Variants in ACSL1 observed in about 807,000 individuals in gnomAD.
ACSL1 encodes acyl-CoA synthetase long chain family member 1, also known as long-chain-fatty-acid--CoA ligase 1.
A neutral mutation model predicts 98.4 loss-of-function variants in ACSL1; 41 were observed. The observed-to-expected ratio is 0.42, with a 90% CI of 0.32 to 0.54. The LOEUF is 0.54. Ranked by LOEUF, ACSL1 falls within the 20% of genes least tolerant of loss-of-function variation. ACSL1 has a pLI of 0.13. For synonymous variants in ACSL1, 316 were observed against 322.7 expected (o/e 0.98, Z 0.22); for missense variants, 734 against 883.1 (o/e 0.83, Z 2.14).
intron 3 of ACSL1, among the ~76,000 whole-genome samples, chr4:184,787,867 G>GAA (rs59958161): frequency 1.8e-4 from 26 of 148,042 alleles, no homozygotes; most frequent in Middle Eastern, 3.5e-3. Context: ...TCCGTCCAAA[G>GAA]AAAAAAAAAA....
chr4:184,792,255 C>G (rs75505186), intron 2 of ACSL1, among the ~76,000 whole-genome samples: 4,811 of 152,026 alleles, frequency 0.032, 213 homozygotes, highest in African/African-American at 0.092. Context: ...AGACATCTGT[C>G]AAAAGGAGAC....
In ACSL1 at chr4:184,766,985, G is replaced by A. The variant is rs1053484339; in HGVS notation, c.1129-229C>T. On this transcript the variant is annotated intron_variant, in intron 12 of 20. Coordinates refer to ENST00000281455, the MANE Select transcript of ACSL1 (RefSeq NM_001995.5). This position sits in a 1 kb window ranked among gnomAD's most constrained non-coding sequence, Gnocchi z 4.8. The stretch of plus-strand genomic sequence containing the variant: ...ACACATACATCCCCAAATGCCCATC[G>A]AGTAGGAATGTGTAGGCCAGGTGCG... Among the ~76,000 whole-genome samples the A allele has an allele frequency of 1.3e-5, 2 of 152,090 alleles. No individual in the cohort carries two copies. Among genetic ancestry groups the A allele is most frequent in the South Asian group, 2.1e-4 (1 of 4,822 alleles).
At chr4:184,807,308 G>A (rs543967277) in intron 1 of ACSL1, among the ~76,000 whole-genome samples, 2 of 152,298 alleles carry the variant, frequency 1.3e-5, no homozygotes, top group East Asian at 3.9e-4. Context: ...TGTAAATCAT[G>A]CCGCTGTTTG....
At chr4:184,784,428 T>G (rs1220911209) in intron 3 of ACSL1, among the ~76,000 whole-genome samples, 1 of 152,186 alleles carries the variant, frequency 6.6e-6, no homozygotes, top group Non-Finnish European at 1.5e-5. Flanking sequence ...AAGGAAAATA[T>G]AATTCTTTAT....
intron 2 of ACSL1, among the ~76,000 whole-genome samples, chr4:184,789,393 C>A (rs912692386): frequency 2.0e-5 from 3 of 152,228 alleles, no homozygotes; most frequent in Non-Finnish European, 2.9e-5. Flanking sequence ...GGAAATGAAA[C>A]CCCATTTGGT....
At position 184,815,255 on chromosome 4, in the gene ACSL1, G is replaced by A. The variant is rs370679421; in HGVS notation, c.-33+10661C>T. ...GGTGGAGAAACACCAGCAACAGCCA[G>A]ACAGTGCTGTGAGCAAAGAGGCAGG... On this transcript the variant is annotated intron_variant, in intron 1 of 20. Coordinates refer to ENST00000281455, the MANE Select transcript of ACSL1 (RefSeq NM_001995.5). 6.8e-4 allele frequency among the ~76,000 whole-genome samples: 103 copies of A among 152,300 alleles called. 1 individual carries two copies. In the Middle Eastern group the frequency reaches 0.01, roughly 15 times the overall value.
intron 1 of ACSL1, among the ~76,000 whole-genome samples, chr4:184,812,674 C>T (rs543160318): frequency 2.0e-5 from 3 of 152,238 alleles, no homozygotes; most frequent in Admixed American, 1.3e-4. Flanking sequence ...CTTTAGAAGA[C>T]GCTGAGATAC....
In ACSL1 at chr4:184,773,723, T is replaced by TAAAA; in HGVS notation, c.790-13_790-10dup. 1 of 1,415,086 alleles carries TAAAA rather than the reference T, an allele frequency of 7.1e-7. No homozygotes were observed. The highest frequency in any genetic ancestry group is 9.7e-7 in the Non-Finnish European group (1 of 1,032,106). The allele number at this position is 1,415,086 out of a possible 1,614,324, so 87.7% of individuals were successfully genotyped here. On this transcript the variant is annotated splice_polypyrimidine_tract_variant and intron_variant, in intron 8 of 20. Coordinates refer to ENST00000281455, the MANE Select transcript of ACSL1 (RefSeq NM_001995.5). This position sits in a 1 kb window ranked among gnomAD's most constrained non-coding sequence, Gnocchi z 4.3. Reference sequence around the variant, plus strand: ...TCTTCAGGTGCTGGAGGCTAAAGATTAAAAAAAAAAAAAGCTGGTATAAAT... The same window carrying TAAAA: ...TCTTCAGGTGCTGGAGGCTAAAGATTAAAAAAAAAAAAAAAAAGCTGGTATAAAT...
intron 1 of ACSL1, among the ~76,000 whole-genome samples, chr4:184,819,315 G>A (rs1355552050): frequency 4.6e-5 from 7 of 151,750 alleles, no homozygotes; most frequent in Non-Finnish European, 1.0e-4. Context: ...GCTAATTTTT[G>A]TATTTTTAGC....
At chr4:184,800,546 G>A (rs1770313817) in intron 2 of ACSL1, among the ~76,000 whole-genome samples, 1 of 152,306 alleles carries the variant, frequency 6.6e-6, no homozygotes, top group Admixed American at 6.5e-5. Context: ...TGACAGTGAT[G>A]TAAAAAGAAA....
At position 184,776,642 on chromosome 4, in the gene ACSL1, C is replaced by T. The variant is rs1765339504; in HGVS notation, c.598G>A (p.Val200Ile). 1 of 1,610,698 alleles carries T rather than the reference C, an allele frequency of 6.2e-7. No individual in the cohort carries two copies. Residue 200 changes from valine (V) to isoleucine (I), a missense_variant, in exon 7 of 21, where the codon GTT becomes ATT. Physicochemically the swap from Val to Ile is conservative, Grantham distance 29. Transcript: ENST00000281455. ...VNKAELSLVF[V>I]DKPEKAKLLL... is the part of the protein sequence containing the mutation. ...AGTTTGGCCTTCTCTGGCTTGTCAA[C>T]AAAAACCAGAGAGAGTTCAGCTGTA...
At chr4:184,819,540 T>A (rs921692085) in intron 1 of ACSL1, among the ~76,000 whole-genome samples, 2 of 152,234 alleles carry the variant, frequency 1.3e-5, no homozygotes, top group Non-Finnish European at 2.9e-5. Flanking sequence ...AAAGACACCA[T>A]CGGACCAGGA....
chr4:184,768,420 C>T lies in ACSL1; in HGVS notation c.1024G>A (p.Gly342Arg), dbSNP rs1157716865. ...AGCCTGATATCTCCTTGGAAAAATC[C>T]GATTTTAGCTCCATGACACAGCATT... ...CVMLCHGAKI[G>R]FFQGDIRLLM... The change falls in exon 12 of 21, where the codon GGA (glycine) becomes AGA (arginine). Residue 342 changes from glycine to arginine, a missense_variant. Physicochemically the swap from Gly to Arg is moderately radical, Grantham distance 125. Transcript: ENST00000281455. 1.9e-6 allele frequency: 3 copies of T among 1,613,434 alleles called. No individual in the cohort carries two copies. Among genetic ancestry groups the T allele is most frequent in the South Asian group, 1.1e-5 (1 of 90,990 alleles).
At chr4:184,777,552 G>A (rs1320468864) in intron 5 of ACSL1, among the ~76,000 whole-genome samples, 2 of 150,908 alleles carry the variant, frequency 1.3e-5, no homozygotes, top group Non-Finnish European at 3.0e-5. Context: ...GAGAGAAAGA[G>A]GAGAGATTGA....
At chr4:184,762,361 C>T (rs1311904113) in intron 17 of ACSL1, 46 bp downstream of exon 17, 2 of 1,494,686 alleles carry the variant, frequency 1.3e-6, no homozygotes, top group Non-Finnish European at 1.9e-6. Context: ...TTTTCTTCCC[C>T]ACAGTGGAAC....
rs1327211923 is a variant in ACSL1 at position 184,788,611 on chromosome 4, G to C, written c.310+6C>G. ...GGGAGCCACGCAAATGCAGGAAAAT[G>C]CTTACTTGACACCTGTATTCCCCTC... On this transcript the variant is annotated splice_donor_region_variant and intron_variant, in intron 3 of 20. Coordinates refer to ENST00000281455, the MANE Select transcript of ACSL1 (RefSeq NM_001995.5). The C allele has an allele frequency of 1.2e-6, 2 of 1,609,534 alleles. No individual in the cohort carries two copies. Among genetic ancestry groups the C allele is most frequent in the Non-Finnish European group, 8.5e-7 (1 of 1,175,968 alleles).
At chr4:184,801,917 C>T (rs1167001498) in intron 2 of ACSL1, among the ~76,000 whole-genome samples, 2 of 152,384 alleles carry the variant, frequency 1.3e-5, no homozygotes, top group East Asian at 3.9e-4. Context: ...TCATTTCTTA[C>T]AGTTACTGCT....
intron 1 of ACSL1, among the ~76,000 whole-genome samples, chr4:184,814,441 T>C (rs1191626207): frequency 6.6e-6 from 1 of 152,068 alleles, no homozygotes; most frequent in Non-Finnish European, 1.5e-5. Flanking sequence ...AACAATCAAG[T>C]TTCCACCTAA....
chr4:184,793,308 C>G (rs756352595), intron 2 of ACSL1, among the ~76,000 whole-genome samples: 8 of 152,106 alleles, frequency 5.3e-5, no homozygotes, highest in Non-Finnish European at 8.8e-5. Context: ...TCAGTCTCCC[C>G]ACAAGGGCTG....
Sources: allele counts gnomAD v4.1 joint callset (sites outside exome capture counted in the v4.1 genomes callset), GRCh38; gene constraint gnomAD v4.1.1; non-coding constraint Gnocchi (gnomAD v3.1); transcripts MANE v1.5; gene names NCBI Gene and HGNC (gene_info 2026-07-23, HGNC 2026-07-21).